The following CACNA1D variants were observed in gnomAD, a reference collection of about 807,000 sequenced individuals.
CACNA1D encodes voltage-dependent L-type calcium channel subunit alpha-1D.
A neutral mutation model predicts 257.1 loss-of-function variants in CACNA1D; 55 were observed. The ratio of observed to expected loss-of-function variants is 0.21; its 90% confidence interval spans 0.17 to 0.27. CACNA1D has a LOEUF of 0.27. Ranked by LOEUF, CACNA1D falls within the 10% of genes least tolerant of loss-of-function variation. CACNA1D has a pLI of 1.00. For synonymous variants in CACNA1D, 980 were observed against 1,014.9 expected (o/e 0.97, Z 0.65); for missense variants, 1,876 against 2,784.0 (o/e 0.67, Z 7.34).
At chr3:53,612,830 G>A (rs956102601) in intron 3 of CACNA1D, among the ~76,000 whole-genome samples, 9 of 152,232 alleles carry the variant, frequency 5.9e-5, no homozygotes, top group Non-Finnish European at 1.2e-4. Flanking sequence ...CATCTCTCAG[G>A]CATTACAGTC....
At chr3:53,604,800 A>G (rs1438079962) in intron 3 of CACNA1D, among the ~76,000 whole-genome samples, 1 of 152,220 alleles carries the variant, frequency 6.6e-6, no homozygotes, top group African/African-American at 2.4e-5. Context: ...GTAAAGCCCC[A>G]AATCTAAAGA....
At chr3:53,507,983 G>GT (rs72571471) in intron 3 of CACNA1D, among the ~76,000 whole-genome samples, 3 of 151,728 alleles carry the variant, frequency 2.0e-5, no homozygotes, top group Admixed American at 6.6e-5. Context: ...GGAAAGGGGG[G>GT]GCTGAAAAGA....
intron 32 of CACNA1D, 45 bp from the exon 33 acceptor site, chr3:53,772,788 G>A (rs754549443): frequency 1.7e-5 from 25 of 1,514,736 alleles, no homozygotes; most frequent in Middle Eastern, 1.7e-4. Flanking sequence ...GGGCCGTCAC[G>A]GGGACAGCCG....
chr3:53,496,277 T>C, intron 1 of CACNA1D, among the ~76,000 whole-genome samples: 1 of 152,164 alleles, frequency 6.6e-6, no homozygotes, highest in South Asian at 2.1e-4. Flanking sequence ...TGGCGGGGGC[T>C]TCGCATAGGG....
At chr3:53,497,634 G>T (rs1238921674) in intron 2 of CACNA1D, among the ~76,000 whole-genome samples, 173 bp downstream of exon 2, 1 of 152,118 alleles carries the variant, frequency 6.6e-6, no homozygotes, top group Non-Finnish European at 1.5e-5. Context: ...GTTGCAGAGG[G>T]GTGGCTGTAC....
chr3:53,545,408 C>T (rs1262132590), intron 3 of CACNA1D, among the ~76,000 whole-genome samples: 6 of 152,202 alleles, frequency 3.9e-5, no homozygotes, highest in Admixed American at 1.3e-4. Context: ...CCTTTACACA[C>T]ATGTGGTGTG....
intron 3 of CACNA1D, among the ~76,000 whole-genome samples, chr3:53,626,408 T>C (rs560326633): frequency 1.8e-4 from 27 of 151,926 alleles, no homozygotes; most frequent in Non-Finnish European, 3.2e-4. Flanking sequence ...ACCTGTGGGA[T>C]AGGGATAACA....
intron 9 of CACNA1D, among the ~76,000 whole-genome samples, chr3:53,704,253 G>A (rs866015848): frequency 3.9e-5 from 6 of 152,148 alleles, no homozygotes; most frequent in Middle Eastern, 3.4e-3. Flanking sequence ...CCTGGGCTCT[G>A]TGCCTCCATG....
Position 53,762,051 on chromosome 3 carries a change from C to T in CACNA1D, c.3840C>T (p.Ser1280=), listed in dbSNP as rs948159486. 2 of 1,613,742 alleles carry T rather than the reference C, an allele frequency of 1.2e-6. No homozygotes were observed. Among genetic ancestry groups the T allele is most frequent in the South Asian group, 1.1e-5 (1 of 91,072 alleles). ...TTGACTCCCTCATCGTAATCGGCAG[C>T]ATTATAGACGTGGCCCTCAGCGAAG... ...NTFDSLIVIG[S]IIDVALSEAD... The change falls in exon 30 of 48, where the codon AGC becomes AGT. Residue 1280 remains serine, a synonymous_variant. Transcript: ENST00000350061.
At chr3:53,724,162 C>T (rs2094908556) in intron 14 of CACNA1D, among the ~76,000 whole-genome samples, 163 bp downstream of exon 14, 1 of 152,202 alleles carries the variant, frequency 6.6e-6, no homozygotes, top group African/African-American at 2.4e-5. Context: ...GTTATTCGTT[C>T]TGCATCATCC....
At chr3:53,624,585 C>T (rs2108064949) in intron 3 of CACNA1D, among the ~76,000 whole-genome samples, 1 of 152,290 alleles carries the variant, frequency 6.6e-6, no homozygotes, top group East Asian at 1.9e-4. Flanking sequence ...GCGTGTTTTC[C>T]TGGCATTTAC....
In CACNA1D at chr3:53,672,915, A is replaced by G. The variant is rs2094339521; in HGVS notation, c.1117-108A>G. 6.7e-6 allele frequency: 5 copies of G among 750,336 alleles called. No homozygotes were observed. In the South Asian group the frequency reaches 8.1e-5, roughly 12 times the overall value. The allele number at this position is 750,336 out of a possible 1,614,324, so 46.5% of individuals were successfully genotyped here. A position where few individuals can be genotyped will look rare whatever the true frequency, so the allele number is the denominator to read the frequency against. On this transcript the variant is annotated intron_variant, in intron 7 of 47. Transcript: ENST00000350061. ...CTACTGTTGTTTCTGATTTAAATCT[A>G]AGTAAATGTTTAATTAAATGTATAG...
chr3:53,618,093 A>G (rs2093656534), intron 3 of CACNA1D, among the ~76,000 whole-genome samples: 1 of 152,130 alleles, frequency 6.6e-6, no homozygotes, highest in African/African-American at 2.4e-5. Flanking sequence ...CCTCCTCAGT[A>G]CAGGGAGGGG....
chr3:53,523,469 G>A (rs2091653029), intron 3 of CACNA1D, among the ~76,000 whole-genome samples: 1 of 152,242 alleles, frequency 6.6e-6, no homozygotes, highest in Non-Finnish European at 1.5e-5. Context: ...ACATGAGAAA[G>A]GATTGACCAA....
intron 31 of CACNA1D, 66 bp from the exon 32 acceptor site, chr3:53,770,358 G>C: frequency 6.6e-7 from 1 of 1,513,360 alleles, no homozygotes; most frequent in African/African-American, 1.4e-5. Context: ...ATCTGTTGCT[G>C]TTTTTCTGAA....
intron 3 of CACNA1D, among the ~76,000 whole-genome samples, chr3:53,588,810 T>C (rs963756960): frequency 6.6e-6 from 1 of 152,242 alleles, no homozygotes; most frequent in African/African-American, 2.4e-5. Flanking sequence ...TTGTGATTCA[T>C]TGAGTTGAAC....
rs545456740 is a variant in CACNA1D, at chr3:53,673,483, A to T, written c.1220+357A>T. Among the ~76,000 whole-genome samples the T allele has an allele frequency of 3.9e-5, 6 of 152,090 alleles. No homozygotes were observed. In the South Asian group the frequency reaches 1.2e-3, roughly 32 times the overall value. ...TGCAGATTAATTGTTATAAAACGATAGCAAAATGAGCTGGATTGGGTGGGC... is the reference window on the plus strand; with the variant it reads ...TGCAGATTAATTGTTATAAAACGATTGCAAAATGAGCTGGATTGGGTGGGC... On this transcript the variant is annotated intron_variant, in intron 8 of 47. Coordinates refer to ENST00000350061, the MANE Select transcript of CACNA1D (RefSeq NM_001128840.3). This position sits in a 1 kb window ranked among gnomAD's most constrained non-coding sequence, Gnocchi z 4.1.
rs557579988 is a variant in CACNA1D, at chr3:53,708,127, A to G, written c.1390+5317A>G. On this transcript the variant is annotated intron_variant, in intron 9 of 47. Coordinates refer to ENST00000350061, the MANE Select transcript of CACNA1D (RefSeq NM_001128840.3). ...GTGCTACCTAGTTGCCTCTTACTGC[A>G]ATGTTTGCTTTGGGGGTGGACAGAA... 7.9e-5 allele frequency among the ~76,000 whole-genome samples: 12 copies of G among 152,302 alleles called. No individual in the cohort carries two copies. In the South Asian group the frequency reaches 2.3e-3, roughly 29 times the overall value.
Position 53,673,003 on chromosome 3 carries a change from G to A in CACNA1D, c.1117-20G>A, listed in dbSNP as rs1309525740. ...TCCTCTTATTAACCCACTCCTATGA[G>A]ACCATCTTATTTCTTGCAGATGAAT... On this transcript the variant is annotated intron_variant, in intron 7 of 47. Transcript: ENST00000350061. This position sits in a 1 kb window ranked among gnomAD's most constrained non-coding sequence, Gnocchi z 4.1. 2 of 1,505,258 alleles carry A rather than the reference G, an allele frequency of 1.3e-6. No individual in the cohort carries two copies. Among genetic ancestry groups the A allele is most frequent in the South Asian group, 1.2e-5 (1 of 83,156 alleles). 93.2% of individuals were successfully genotyped at this position (1,505,258 alleles called of 1,614,324 possible). A position where few individuals can be genotyped will look rare whatever the true frequency, so the allele number is the denominator to read the frequency against.
Sources: gnomAD v4.1 joint callset for allele counts (sites outside exome capture counted in the v4.1 genomes callset) on GRCh38, gnomAD v4.1.1 for gene constraint, Gnocchi (gnomAD v3.1) non-coding constraint, MANE v1.5 for transcripts, NCBI Gene and HGNC (gene_info 2026-07-23, HGNC 2026-07-21) for gene names.